Variants in APOL4 observed in about 807,000 individuals in gnomAD.
The protein encoded by APOL4 is apolipoprotein L4.
APOL4 carries 14 observed loss-of-function variants against 12.1 expected under a neutral mutation model. That is an observed-to-expected ratio of 1.16 (90% CI 0.76 to 1.81). The LOEUF (loss-of-function observed/expected upper bound fraction) is 1.81. APOL4 is among the 40% of genes most tolerant of loss of function. APOL4 has a pLI of 0.00. For missense variants in APOL4, 432 were observed against 423.1 expected, an observed-to-expected ratio of 1.02 and a Z score of -0.18; for synonymous variants, 171 against 160.6, an observed-to-expected ratio of 1.06 and a Z score of -0.49.
intron 3 of APOL4, 92 bp from the exon 4 acceptor site, chr22:36,192,004 T>A: frequency 8.6e-7 from 1 of 1,168,404 alleles, no homozygotes; most frequent in South Asian, 1.6e-5. Flanking sequence ...ATCACAGAGC[T>A]GTTTCTATAA....
chr22:36,199,704 G>A, intron 1 of APOL4: 1 of 1,492,602 alleles, frequency 6.7e-7, no homozygotes, highest in Non-Finnish European at 9.1e-7. Flanking sequence ...AGATGGGAAG[G>A]AACGTTCTAA....
Position 36,199,790 on chromosome 22 carries a change from CT to C in APOL4, c.36-415del, listed in dbSNP as rs1309739195. 3.9e-5 allele frequency among the ~76,000 whole-genome samples: 6 copies of C among 152,170 alleles called. No homozygotes were observed. The East Asian group carries it at 5.8e-4, about 15-fold the overall frequency. On this transcript the variant is annotated intron_variant, in intron 1 of 3. Transcript: ENST00000683024. ...TGAGTGTCTGTGATGTGCAGGGCTTCTTTTTTTATTTTTATTTTTATTTATT... is the reference window on the plus strand; with the variant it reads ...TGAGTGTCTGTGATGTGCAGGGCTTCTTTTTTATTTTTATTTTTATTTATT...
At chr22:36,197,436 G>C in intron 2 of APOL4, 1 of 614,942 alleles carries the variant, frequency 1.6e-6, no homozygotes, top group East Asian at 3.4e-5. Context: ...AGGAAACTCA[G>C]GGTTGGATGG....
chr22:36,204,027 T>G (rs544671747), upstream of APOL4, among the ~76,000 whole-genome samples: 1 of 152,292 alleles, frequency 6.6e-6, no homozygotes, highest in East Asian at 1.9e-4. Context: ...TCCTATGATC[T>G]ACCTGCTCAG....
chr22:36,191,595 C>T lies in APOL4; in HGVS notation c.527G>A (p.Gly176Glu), dbSNP rs1216629788. Residue 176 changes from glycine (G) to glutamate (E), a missense_variant, in exon 4 of 4, where the codon GGA becomes GAA. Coordinates refer to ENST00000683024, the MANE Select transcript of APOL4 (RefSeq NM_001386885.1). ...GATCCCAGCCGTGGCAGATGCTATT[C>T]CCAGCCCTACCCCAGCTGCAGTAAT... ...LSITAAGVGL[G>E]IASATAGIAS... 4.3e-6 allele frequency: 7 copies of T among 1,613,460 alleles called. No homozygotes were observed. The Middle Eastern group carries it at 4.9e-4, about 114-fold the overall frequency.
intron 2 of APOL4, among the ~76,000 whole-genome samples, chr22:36,196,566 C>T (rs892572368): frequency 6.6e-6 from 1 of 152,130 alleles, no homozygotes; most frequent in East Asian, 1.9e-4. Context: ...GATTACTGCC[C>T]AGATGAGTTG....
At position 36,201,752 on chromosome 22, in the gene APOL4, G is replaced by A. The variant is rs756296569; in HGVS notation, c.-18C>T. On this transcript the variant is annotated 5_prime_UTR_variant, in exon 1 of 4. Transcript: ENST00000683024. The stretch of plus-strand genomic sequence containing the variant: ...GATCCCATCCTCCTTGGTCATTGTT[G>A]GCCTGGCTCAGACGCTGATCTGGGG... 6.9e-6 allele frequency: 11 copies of A among 1,604,262 alleles called. No individual in the cohort carries two copies. Among genetic ancestry groups the A allele is most frequent in the Non-Finnish European group, 8.5e-6 (10 of 1,175,622 alleles).
At chr22:36,194,485 C>T (rs1458932675) in intron 3 of APOL4, among the ~76,000 whole-genome samples, 2 of 152,192 alleles carry the variant, frequency 1.3e-5, no homozygotes, top group Non-Finnish European at 2.9e-5. Context: ...CCCATCCTGA[C>T]CCCTGGCTCT....
chr22:36,196,127 G>A (rs540584594), intron 2 of APOL4, among the ~76,000 whole-genome samples: 9 of 152,156 alleles, frequency 5.9e-5, no homozygotes, highest in African/African-American at 1.9e-4. Flanking sequence ...TCCAGTGATC[G>A]CTTCCTCCTG....
intron 2 of APOL4, among the ~76,000 whole-genome samples, 164 bp downstream of exon 2, chr22:36,199,166 T>G (rs1485969057): frequency 6.6e-6 from 1 of 152,210 alleles, no homozygotes; most frequent in Non-Finnish European, 1.5e-5. Context: ...GGACTCCACG[T>G]GGCCTCTCTT....
Position 36,193,293 on chromosome 22 carries a change from G to T in APOL4, c.210-1381C>A, listed in dbSNP as rs148885801. 7.4e-3 allele frequency among the ~76,000 whole-genome samples: 1,129 copies of T among 152,260 alleles called. 17 individuals are homozygous for T. Among genetic ancestry groups the T allele is most frequent in the African/African-American group, 0.026 (1,076 of 41,532 alleles). On this transcript the variant is annotated intron_variant, in intron 3 of 3. Coordinates refer to ENST00000683024, the MANE Select transcript of APOL4 (RefSeq NM_001386885.1). ...TTTACTGTATTGGGAGCTGGGCTCA[G>T]TCTCCCTCCCCTGTAACAACAATCC... is the stretch of plus-strand genomic sequence containing the variant.
At chr22:36,195,768 T>TCACA (rs1219658115) in intron 2 of APOL4, among the ~76,000 whole-genome samples, 16 of 105,600 alleles carry the variant, frequency 1.5e-4, no homozygotes, top group African/African-American at 5.7e-4. Flanking sequence ...TCTCTCTCTC[T>TCACA]CTCTCTCTCA....
chr22:36,192,545 T>C (rs1490961357), intron 3 of APOL4, among the ~76,000 whole-genome samples: 1 of 152,136 alleles, frequency 6.6e-6, no homozygotes, highest in Non-Finnish European at 1.5e-5. Flanking sequence ...GGGGAAACTT[T>C]GTAGAAAAAC....
At chr22:36,204,373 T>G (rs1406821155), upstream of APOL4, among the ~76,000 whole-genome samples, 1 of 152,152 alleles carries the variant, frequency 6.6e-6, no homozygotes, top group Admixed American at 6.5e-5. Flanking sequence ...AAAACAGAGC[T>G]GAGCCCAGAG....
chr22:36,201,897 A>C (rs2014593584), upstream of APOL4: 4 of 1,603,280 alleles, frequency 2.5e-6, no homozygotes, highest in Non-Finnish European at 2.6e-6. Context: ...TCCTAGAAAA[A>C]CCCACATGGC....
intron 3 of APOL4, among the ~76,000 whole-genome samples, chr22:36,194,500 CT>C (rs1269870470): frequency 1.3e-5 from 2 of 152,226 alleles, no homozygotes; most frequent in Admixed American, 6.5e-5. Flanking sequence ...GGCTCTGCCC[CT>C]GGCAATGTCT....
upstream of APOL4, chr22:36,204,709 T>C: frequency 4.4e-6 from 2 of 452,310 alleles, no homozygotes; most frequent in Non-Finnish European, 3.7e-6. Context: ...TGTGCACCTA[T>C]ATAATAACCA....
At chr22:36,197,115 T>C (rs132707) in intron 2 of APOL4, among the ~76,000 whole-genome samples, 73,317 of 151,970 alleles carry the variant, frequency 0.48, 18,233 homozygotes, top group East Asian at 0.8. Context: ...AAACCACAGA[T>C]CATCTTGTTT....
intron 3 of APOL4, among the ~76,000 whole-genome samples, chr22:36,193,489 C>T (rs1247010318): frequency 6.6e-6 from 1 of 152,192 alleles, no homozygotes; most frequent in African/African-American, 2.4e-5. Context: ...AGACTCTGCC[C>T]TGTATGTCTC....
Sources: gnomAD v4.1 joint callset for allele counts (sites outside exome capture counted in the v4.1 genomes callset) on GRCh38, gnomAD v4.1.1 for gene constraint, MANE v1.5 for transcripts, NCBI Gene and HGNC (gene_info 2026-07-23, HGNC 2026-07-21) for gene names.